The following CADM2 variants were observed in gnomAD, a reference collection of about 807,000 sequenced individuals.
The protein encoded by CADM2 is cell adhesion molecule 2.
CADM2 carries 12 observed loss-of-function variants against 49.8 expected under a neutral mutation model. The observed-to-expected ratio is 0.24, with a 90% CI of 0.15 to 0.39. The LOEUF is 0.39. CADM2 is among the 10% of genes least tolerant of loss of function. The pLI, the probability that CADM2 is intolerant of heterozygous loss-of-function variation, is 1.00. For missense variants in CADM2, 378 were observed against 492.3 expected (o/e 0.77, Z 2.20); for synonymous variants, 214 against 175.4 (o/e 1.22, Z -1.74).
At chr3:85,488,105 T>A (rs1277989714) in intron 1 of CADM2, among the ~76,000 whole-genome samples, 1 of 152,210 alleles carries the variant, frequency 6.6e-6, no homozygotes, top group Non-Finnish European at 1.5e-5. Flanking sequence ...TATCTCAAAG[T>A]AATAAAGAAA....
At chr3:85,074,979 T>G (rs1227576028) in intron 1 of CADM2, among the ~76,000 whole-genome samples, 1 of 151,766 alleles carries the variant, frequency 6.6e-6, no homozygotes, top group African/African-American at 2.4e-5. Context: ...AAGATGCAAT[T>G]TAGCATAGCT....
chr3:85,564,896 T>A lies in CADM2; in HGVS notation c.62-161626T>A, dbSNP rs1028644564. On this transcript the variant is annotated intron_variant, in intron 1 of 9. Transcript: ENST00000383699. ...ACTATATATAAAACAGGAATACTAT[T>A]TAAGAGTACAGAGATGGAAGATTAT... Among the ~76,000 whole-genome samples, 20 of 152,034 alleles carry A rather than the reference T, an allele frequency of 1.3e-4. 1 individual carries two copies. Among genetic ancestry groups the A allele is most frequent in the African/African-American group, 4.8e-4 (20 of 41,408 alleles).
chr3:85,240,120 T>C (rs1404174023), intron 1 of CADM2, among the ~76,000 whole-genome samples: 2 of 151,544 alleles, frequency 1.3e-5, no homozygotes, highest in Non-Finnish European at 3.0e-5. Context: ...TGTTACCAGA[T>C]TCAAGTGTAA....
At chr3:84,970,279 T>TG (rs2031328449) in intron 1 of CADM2, among the ~76,000 whole-genome samples, 1 of 151,370 alleles carries the variant, frequency 6.6e-6, no homozygotes, top group Admixed American at 6.6e-5. Context: ...ATTTGATTTT[T>TG]TTTTTTTGCA....
chr3:85,060,405 G>A (rs1173810639), intron 1 of CADM2, among the ~76,000 whole-genome samples: 1 of 152,106 alleles, frequency 6.6e-6, no homozygotes, highest in East Asian at 1.9e-4. Flanking sequence ...GGGATTACAG[G>A]TGTGAGCCAT....
chr3:84,962,114 A>G (rs1027102064), intron 1 of CADM2, among the ~76,000 whole-genome samples: 5 of 151,456 alleles, frequency 3.3e-5, no homozygotes, highest in Non-Finnish European at 5.9e-5. Flanking sequence ...CACCACTGCA[A>G]CCAGCAGCAA....
chr3:85,224,960 A>G (rs1268063794), intron 1 of CADM2, among the ~76,000 whole-genome samples: 1 of 152,056 alleles, frequency 6.6e-6, no homozygotes, highest in Non-Finnish European at 1.5e-5. Context: ...ATTGGTCTAT[A>G]TATCTGTTTT....
At chr3:85,817,120 G>A (rs2073256519) in intron 3 of CADM2, among the ~76,000 whole-genome samples, 2 of 152,198 alleles carry the variant, frequency 1.3e-5, no homozygotes, top group Non-Finnish European at 2.9e-5. Context: ...GCATTTTGCA[G>A]CTCTGGTGAA....
chr3:85,444,740 G>T (rs570842971), intron 1 of CADM2, among the ~76,000 whole-genome samples: 7 of 151,974 alleles, frequency 4.6e-5, no homozygotes, highest in Non-Finnish European at 1.0e-4. Flanking sequence ...TAGAAAATAA[G>T]CTCCATGAAT....
chr3:85,683,472 A>G (rs989862929), intron 1 of CADM2, among the ~76,000 whole-genome samples: 2 of 152,204 alleles, frequency 1.3e-5, no homozygotes, highest in African/African-American at 4.8e-5. Flanking sequence ...CTTCAAACAT[A>G]AAATATTGAT....
At chr3:85,510,216 AT>A (rs35867602) in intron 1 of CADM2, among the ~76,000 whole-genome samples, 5 of 151,986 alleles carry the variant, frequency 3.3e-5, no homozygotes, top group Non-Finnish European at 7.4e-5. Context: ...ATCTAAGAAT[AT>A]TTTTTCCTGC....
chr3:85,776,235 A>C (rs2070354578), intron 2 of CADM2, among the ~76,000 whole-genome samples: 1 of 151,882 alleles, frequency 6.6e-6, no homozygotes, highest in South Asian at 2.1e-4. Flanking sequence ...TACATCTTTA[A>C]GTTTTTTTAA....
At chr3:84,990,850 G>A (rs538529240) in intron 1 of CADM2, among the ~76,000 whole-genome samples, 1 of 152,052 alleles carries the variant, frequency 6.6e-6, no homozygotes, top group Admixed American at 6.6e-5. Flanking sequence ...TTTCTAAGAT[G>A]ACAAATCACA....
chr3:85,144,245 G>GCGCACA lies in CADM2; in HGVS notation c.61+184578_61+184579insGCACAC, dbSNP rs5850673. ...CCATCTAAAGTATTTTGTTACACAC[G>GCGCACA]CACACACACACACACACACACACAC... On this transcript the variant is annotated intron_variant, in intron 1 of 9. Transcript: ENST00000383699. Among the ~76,000 whole-genome samples, 149 of 149,032 alleles carry GCGCACA rather than the reference G, an allele frequency of 1.0e-3. 1 individual carries two copies. Among genetic ancestry groups the GCGCACA allele is most frequent in the South Asian group, 4.1e-3 (19 of 4,684 alleles).
intron 1 of CADM2, among the ~76,000 whole-genome samples, chr3:85,714,820 T>G (rs997387863): frequency 1.3e-5 from 2 of 152,234 alleles, no homozygotes; most frequent in Admixed American, 6.6e-5. Context: ...ACCCTTGAGA[T>G]CTGGGTAATC....
At chr3:85,190,931 A>G (rs923128434) in intron 1 of CADM2, among the ~76,000 whole-genome samples, 2 of 152,136 alleles carry the variant, frequency 1.3e-5, no homozygotes, top group Admixed American at 6.6e-5. Context: ...ATTTAATTTG[A>G]TCTTTAGAAA....
chr3:86,006,398 A>G (rs1182874412), intron 8 of CADM2, among the ~76,000 whole-genome samples: 2 of 152,300 alleles, frequency 1.3e-5, no homozygotes, highest in South Asian at 2.1e-4. Context: ...TTGGTATTAC[A>G]TGGGCAATCC....
chr3:85,895,943 G>A (rs1288450811), intron 5 of CADM2, among the ~76,000 whole-genome samples: 1 of 152,036 alleles, frequency 6.6e-6, no homozygotes, highest in Non-Finnish European at 1.5e-5. Context: ...CTCAGCCTTG[G>A]GGGTGTCTTT....
chr3:84,991,963 T>C (rs1361537182), intron 1 of CADM2, among the ~76,000 whole-genome samples: 1 of 152,066 alleles, frequency 6.6e-6, no homozygotes, highest in Non-Finnish European at 1.5e-5. Context: ...ATGGAGACAG[T>C]AAAAAGTTCC....
Sources: allele counts gnomAD v4.1 joint callset (sites outside exome capture counted in the v4.1 genomes callset), GRCh38; gene constraint gnomAD v4.1.1; transcripts MANE v1.5; gene names NCBI Gene and HGNC (gene_info 2026-07-23, HGNC 2026-07-21).